Variants in SIGLEC11 observed in about 807,000 individuals in gnomAD.
The protein encoded by SIGLEC11 is sialic acid-binding Ig-like lectin 11.
Under a neutral mutation model 61.2 loss-of-function variants are expected in SIGLEC11, and 47 were observed. That is an observed-to-expected ratio of 0.77 (90% CI 0.61 to 0.98). The LOEUF is 0.98. Ranked by LOEUF, SIGLEC11 falls within the 50% of genes least tolerant of loss-of-function variation. The pLI, the probability that SIGLEC11 is intolerant of heterozygous loss-of-function variation, is 0.00. For synonymous variants in SIGLEC11, 278 were observed against 373.1 expected, an observed-to-expected ratio of 0.75 and a Z score of 2.94; for missense variants, 610 against 870.3, an observed-to-expected ratio of 0.70 and a Z score of 3.76.
intron 8 of SIGLEC11, among the ~76,000 whole-genome samples, chr19:49,954,536 T>C (rs1254981805): frequency 6.6e-6 from 1 of 151,770 alleles, no homozygotes; most frequent in Non-Finnish European, 1.5e-5. Flanking sequence ...GGTTCGGAGG[T>C]GGGGGGCAAC....
In SIGLEC11 at chr19:49,958,623, G is replaced by A; in HGVS notation, c.1363+20C>T. The A allele has an allele frequency of 6.4e-6, 10 of 1,572,682 alleles. No homozygotes were observed. The highest frequency in any genetic ancestry group is 8.6e-6 in the Non-Finnish European group (10 of 1,160,344). On this transcript the variant is annotated intron_variant, in intron 7 of 10. Coordinates refer to ENST00000447370, the MANE Select transcript of SIGLEC11 (RefSeq NM_052884.3). The stretch of plus-strand genomic sequence containing the variant: ...AGGGGCCCCTTCCTGGGACCCAGGT[G>A]TCCCCTTTCCCCCACTCACAGTGCA...
chr19:49,959,042 C>G lies in SIGLEC11; in HGVS notation c.1093G>C (p.Ala365Pro). 1 of 1,613,900 alleles carries G rather than the reference C, an allele frequency of 6.2e-7. No individual in the cohort carries two copies. Among genetic ancestry groups the G allele is most frequent in the Non-Finnish European group, 8.5e-7 (1 of 1,179,830 alleles). Residue 365 changes from alanine to proline, a missense_variant, in exon 6 of 11, where the codon GCA becomes CCA. Coordinates refer to ENST00000447370, the MANE Select transcript of SIGLEC11 (RefSeq NM_052884.3). ...PENLRVMVSQANRTVLENLGN... is the reference protein window; with the variant it reads ...PENLRVMVSQPNRTVLENLGN... ...TCTCCTTTCCTACCTGTCCTGTTTGCTTGGGAAACCATCACTCTCAGGTTC... is the reference window on the plus strand; with the variant it reads ...TCTCCTTTCCTACCTGTCCTGTTTGGTTGGGAAACCATCACTCTCAGGTTC...
chr19:49,958,252 C>T (rs1194047605), intron 8 of SIGLEC11, 31 bp downstream of exon 8: 1 of 1,607,486 alleles, frequency 6.2e-7, no homozygotes, highest in East Asian at 2.2e-5. Flanking sequence ...CTCCTTTCTC[C>T]CTGAACCTCA....
Position 49,958,866 on chromosome 19 carries a change from C to A in SIGLEC11, c.1140G>T (p.Pro380=). The A allele has an allele frequency of 1.2e-6, 2 of 1,604,140 alleles. No individual in the cohort carries two copies. Among genetic ancestry groups the A allele is most frequent in the South Asian group, 1.1e-5 (1 of 89,852 alleles). Residue 380 remains proline, a synonymous_variant, in exon 7 of 11, where the codon CCG becomes CCT. Coordinates refer to ENST00000447370, the MANE Select transcript of SIGLEC11 (RefSeq NM_052884.3). ...LENLGNGTSL[P]VLEGQSLRLV... is the part of the protein sequence containing the mutation. ...GGCGCAGGCTTTGGCCCTCCAGGAC[C>A]GGGAGGGATGTGCCGTTCCCGAGGT...
At chr19:49,960,467 T>A in intron 2 of SIGLEC11, 46 bp from the exon 3 acceptor site, 1 of 1,592,512 alleles carries the variant, frequency 6.3e-7, no homozygotes, top group Non-Finnish European at 8.5e-7. Context: ...CAGGGGTCCC[T>A]GAGAGCCCTC....
At chr19:49,957,018 T>A (rs561353852) in intron 8 of SIGLEC11, among the ~76,000 whole-genome samples, 2 of 152,264 alleles carry the variant, frequency 1.3e-5, no homozygotes, top group South Asian at 2.1e-4. Flanking sequence ...GAAAGGGTGG[T>A]CTCCAGATTC....
At chr19:49,959,274 A>G (rs1600619549) in intron 5 of SIGLEC11, 86 bp downstream of exon 5, 9 of 1,565,512 alleles carry the variant, frequency 5.7e-6, no homozygotes, top group Middle Eastern at 2.4e-4. Context: ...GGGGTTCAAG[A>G]CCCCCTCAGC....
At chr19:49,950,382 T>C (rs914033026) in intron 10 of SIGLEC11, 146 bp from the exon 11 acceptor site, 10 of 773,570 alleles carry the variant, frequency 1.3e-5, no homozygotes, top group African/African-American at 3.5e-5. Flanking sequence ...ATTCATTCAC[T>C]CATTCATTCA....
At position 49,958,462 on chromosome 19, in the gene SIGLEC11, T is replaced by A. The variant is rs1206860929; in HGVS notation, c.1472A>T (p.Glu491Val). The change falls in exon 8 of 11, where the codon GAG becomes GTG. Residue 491 changes from glutamate (E) to valine (V), a missense_variant. Glu to Val is a moderately radical substitution (Grantham distance 121, BLOSUM62 -2). Around this residue, in one of 6 missense-constraint regions of SIGLEC11, gnomAD observed 432 missense variants for 441.5 expected, o/e 0.98. Transcript: ENST00000447370. ...ACTGCTGTTCCCCTCCAGCAGCTCC[T>A]CCCCAAGCCACCAGCGCAGAGAGGG... is the stretch of plus-strand genomic sequence containing the variant. Reference protein sequence around the residue: ...PAPSLRWWLGEELLEGNSSQG... With the variant: ...PAPSLRWWLGVELLEGNSSQG... 1 of 1,612,716 alleles carries A rather than the reference T, an allele frequency of 6.2e-7. No individual in the cohort carries two copies. Among genetic ancestry groups the A allele is most frequent in the Admixed American group, 1.7e-5 (1 of 59,846 alleles).
chr19:49,950,274 T>C, intron 10 of SIGLEC11, 38 bp from the exon 11 acceptor site: 1 of 1,490,388 alleles, frequency 6.7e-7, no homozygotes, highest in Non-Finnish European at 8.9e-7. Context: ...ATTAGGGTCA[T>C]GGGGGCTAAG....
Position 49,960,308 on chromosome 19 carries a change from A to G in SIGLEC11, c.574T>C (p.Ser192Pro), listed in dbSNP as rs754155865. The G allele has an allele frequency of 8.7e-6, 14 of 1,603,098 alleles. No individual in the cohort carries two copies. Among genetic ancestry groups the G allele is most frequent in the Admixed American group, 1.7e-5 (1 of 59,510 alleles). Residue 192 changes from serine to proline, a missense_variant, in exon 3 of 11, where the codon TCC becomes CCC. Ser to Pro is a moderately conservative substitution (Grantham distance 74). Around this residue, in one of 6 missense-constraint regions of SIGLEC11, gnomAD observed 12 missense variants for 33.2 expected, o/e 0.36. Coordinates refer to ENST00000447370, the MANE Select transcript of SIGLEC11 (RefSeq NM_052884.3). Reference sequence around the variant, plus strand: ...GGGGAGAGGGCAGCCCCCGTCCAGGAGAAAGAAGGGGCTGGACATTTCTTG... The same window carrying G: ...GGGGAGAGGGCAGCCCCCGTCCAGGGGAAAGAAGGGGCTGGACATTTCTTG... ...AFKKCPAPSF[S>P]WTGAALSPRR...
chr19:49,958,615 A>T (rs2076216320), intron 7 of SIGLEC11, 28 bp downstream of exon 7: 3 of 1,568,592 alleles, frequency 1.9e-6, no homozygotes, highest in South Asian at 2.4e-5. Flanking sequence ...CCTTCCTGGG[A>T]CCCAGGTGTC....
intron 8 of SIGLEC11, among the ~76,000 whole-genome samples, chr19:49,954,102 A>G (rs1310823779): frequency 6.6e-6 from 1 of 152,144 alleles, no homozygotes; most frequent in Non-Finnish European, 1.5e-5. Flanking sequence ...CACAGACAAG[A>G]CTAACCTGGA....
At chr19:49,954,859 T>C (rs1036535210) in intron 8 of SIGLEC11, among the ~76,000 whole-genome samples, 2 of 152,110 alleles carry the variant, frequency 1.3e-5, no homozygotes, top group African/African-American at 2.4e-5. Context: ...ACCCAGAGGA[T>C]GCAACTCAGC....
rs1441974094 is a variant in SIGLEC11, at chr19:49,951,492, T to C, written c.1830+399A>G. On this transcript the variant is annotated intron_variant, in intron 10 of 10. Coordinates refer to ENST00000447370, the MANE Select transcript of SIGLEC11 (RefSeq NM_052884.3). This position sits in a 1 kb window ranked among gnomAD's most constrained non-coding sequence, Gnocchi z 4.6. ...GTGGGGACCCCACAACTGTGGTTGGTGTCAGAAGTGAGGATGGGGACCCTT... is the reference window on the plus strand; with the variant it reads ...GTGGGGACCCCACAACTGTGGTTGGCGTCAGAAGTGAGGATGGGGACCCTT... 6.6e-6 allele frequency among the ~76,000 whole-genome samples: 1 copy of C among 152,146 alleles called. No homozygotes were observed. Among genetic ancestry groups the C allele is most frequent in the Non-Finnish European group, 1.5e-5 (1 of 68,004 alleles).
chr19:49,952,022 G>A (rs753147797), intron 9 of SIGLEC11, 50 bp from the exon 10 acceptor site: 3 of 1,543,790 alleles, frequency 1.9e-6, no homozygotes, highest in South Asian at 2.4e-5. Context: ...CCAGAGCCTG[G>A]GGAAACTGCT....
intron 6 of SIGLEC11, 24 bp from the exon 7 acceptor site, chr19:49,958,924 G>T (rs201860708): frequency 6.2e-7 from 1 of 1,604,410 alleles, no homozygotes; most frequent in African/African-American, 1.3e-5. Flanking sequence ...AGGCAGAATC[G>T]ACGTGCAGCT....
chr19:49,952,180 G>T, intron 9 of SIGLEC11, 118 bp downstream of exon 9: 1 of 1,158,476 alleles, frequency 8.6e-7, no homozygotes, highest in Non-Finnish European at 1.2e-6. Flanking sequence ...TGATCCTCTT[G>T]CCCAAGGCCT....
intron 8 of SIGLEC11, among the ~76,000 whole-genome samples, chr19:49,956,095 G>T (rs1368241564): frequency 6.6e-6 from 1 of 152,174 alleles, no homozygotes. Context: ...TGTTTGCGGA[G>T]GGACTAACAC....
Sources: gnomAD v4.1 joint callset for allele counts (sites outside exome capture counted in the v4.1 genomes callset) on GRCh38, gnomAD v4.1.1 for gene constraint, gnomAD v4.1.1 regional missense constraint, Gnocchi (gnomAD v3.1) non-coding constraint, MANE v1.5 for transcripts, NCBI Gene and HGNC (gene_info 2026-07-23, HGNC 2026-07-21) for gene names.